TULP4: variants seen among roughly 807,000 people sequenced by gnomAD.
TULP4 encodes the protein tubby-related protein 4.
In TULP4, 16 loss-of-function variants were observed where a neutral mutation model predicts 129.0. The observed-to-expected ratio is 0.12, with a 90% CI of 0.08 to 0.19. The LOEUF (loss-of-function observed/expected upper bound fraction) is 0.19, where lower values mean the gene tolerates loss of function less well. Among genes scored for constraint, TULP4 ranks in the 10% least tolerant of loss-of-function variants. The pLI is 1.00. For missense variants in TULP4, 1,842 were observed against 2,059.1 expected (o/e 0.89, Z 2.04); for synonymous variants, 998 against 854.0 (o/e 1.17, Z -2.94).
At chr6:158,233,565 A>G (rs374931558) in intron 1 of TULP4, among the ~76,000 whole-genome samples, 6 of 152,178 alleles carry the variant, frequency 3.9e-5, no homozygotes, top group African/African-American at 1.4e-4. Flanking sequence ...CCGCAGCGCC[A>G]GATTGCTGGG....
rs182279964 is a variant in TULP4 at position 158,427,534 on chromosome 6, G to T, written c.382-2202G>T. Among the ~76,000 whole-genome samples the T allele has an allele frequency of 3.4e-4, 40 of 117,692 alleles. 1 individual carries two copies. Among genetic ancestry groups the T allele is most frequent in the Admixed American group, 6.8e-4 (6 of 8,810 alleles). The allele number at this position is 117,692 out of a possible 152,430, so 77.2% of individuals were successfully genotyped here. On this transcript the variant is annotated intron_variant, in intron 2 of 13. Coordinates refer to ENST00000367097, the MANE Select transcript of TULP4 (RefSeq NM_020245.5). ...TTTTGAGACGGAGTCTCGCTCTGTC[G>T]CCAGGCTGGAGTGCAGTGGCATGAT...
At chr6:158,414,145 C>G (rs903734889) in intron 2 of TULP4, among the ~76,000 whole-genome samples, 12 of 152,208 alleles carry the variant, frequency 7.9e-5, no homozygotes, top group African/African-American at 2.9e-4. Context: ...GATATCATCA[C>G]AGAAGACCCT....
chr6:158,442,912 C>A (rs1419585950), intron 3 of TULP4, among the ~76,000 whole-genome samples: 1 of 151,778 alleles, frequency 6.6e-6, no homozygotes, highest in Non-Finnish European at 1.5e-5. Context: ...CTCCTGGGCT[C>A]AAGCAATTCT....
chr6:158,306,497 T>C (rs1364329750), intron 1 of TULP4, among the ~76,000 whole-genome samples: 2 of 152,230 alleles, frequency 1.3e-5, no homozygotes, highest in Non-Finnish European at 2.9e-5. Context: ...CGAGGGAGGT[T>C]GCAGTGAGCC....
intron 1 of TULP4, among the ~76,000 whole-genome samples, chr6:158,270,926 G>A (rs1388160743): frequency 6.6e-6 from 1 of 152,114 alleles, no homozygotes; most frequent in Non-Finnish European, 1.5e-5. Context: ...GAGGCAGGTT[G>A]ATCACCTGAG....
upstream of TULP4, among the ~76,000 whole-genome samples, chr6:158,279,779 A>C (rs1169288214): frequency 3.9e-5 from 6 of 152,222 alleles, no homozygotes; most frequent in Non-Finnish European, 2.9e-5. Context: ...GATATACAGC[A>C]GACCTATTCA....
chr6:158,503,793 T>C lies in TULP4; in HGVS notation c.4130T>C (p.Leu1377Pro). The C allele has an allele frequency of 6.2e-7, 1 of 1,613,934 alleles. No homozygotes were observed. The highest frequency in any genetic ancestry group is 8.5e-7 in the Non-Finnish European group (1 of 1,179,994). The change falls in exon 13 of 14, where the codon CTG becomes CCG. Residue 1377 changes from leucine to proline, a missense_variant. Leu to Pro is a moderately conservative substitution (Grantham distance 98). This residue lies in a region of TULP4 where 1,089 missense variants were observed against 987.1 expected (regional missense o/e 1.10). Transcript: ENST00000367097. This position sits in a 1 kb window ranked among gnomAD's most constrained non-coding sequence, Gnocchi z 4.3. ...DFNSLISSPHLGREKKKVKSQ... is the reference protein window; with the variant it reads ...DFNSLISSPHPGREKKKVKSQ... ...AATTCCCTAATCTCCAGCCCACACC[T>C]GGGGAGAGAGAAGAAGAAAGTGAAG...
chr6:158,366,901 C>T (rs1378982508), intron 1 of TULP4, among the ~76,000 whole-genome samples: 1 of 152,210 alleles, frequency 6.6e-6, no homozygotes, highest in Non-Finnish European at 1.5e-5. Flanking sequence ...TACCTATGAC[C>T]AATCACTTTC....
chr6:158,478,852 T>C (rs1779875619), intron 6 of TULP4, among the ~76,000 whole-genome samples: 1 of 152,216 alleles, frequency 6.6e-6, no homozygotes, highest in Non-Finnish European at 1.5e-5. Flanking sequence ...CATTTTGGCC[T>C]GCATTCTCAA....
intron 1 of TULP4, among the ~76,000 whole-genome samples, chr6:158,352,466 G>A (rs1017467846): frequency 1.3e-5 from 2 of 152,042 alleles, no homozygotes; most frequent in Non-Finnish European, 2.9e-5. Flanking sequence ...GCACGATCTC[G>A]GCTCACTGCA....
intron 1 of TULP4, among the ~76,000 whole-genome samples, chr6:158,356,587 G>GTTAGGTGGTTGGGGC (rs1298772688): frequency 2.0e-5 from 3 of 152,172 alleles, no homozygotes; most frequent in Non-Finnish European, 4.4e-5. Flanking sequence ...AAAATGGGCA[G>GTTAGGTGGTTGGGGC]TTAGGTGGTT....
At chr6:158,365,147 C>T (rs116566320) in intron 1 of TULP4, among the ~76,000 whole-genome samples, 117 of 152,030 alleles carry the variant, frequency 7.7e-4, no homozygotes, top group South Asian at 1.2e-3. Flanking sequence ...TATTGCCTCC[C>T]CACCACTCCT....
chr6:158,433,252 C>T (rs1439008141), intron 3 of TULP4, among the ~76,000 whole-genome samples: 4 of 152,114 alleles, frequency 2.6e-5, no homozygotes, highest in East Asian at 1.9e-4. Context: ...ATTTTCCTTC[C>T]GGCCCTTGTA....
chr6:158,242,315 G>C, intron 1 of TULP4: 1 of 1,556,196 alleles, frequency 6.4e-7, no homozygotes, highest in Non-Finnish European at 8.8e-7. Context: ...CTTCTTGGAA[G>C]CCCAGGCTCT....
chr6:158,247,226 T>G (rs867545289), intron 1 of TULP4, among the ~76,000 whole-genome samples: 3 of 152,168 alleles, frequency 2.0e-5, no homozygotes, highest in African/African-American at 7.2e-5. Context: ...GCATATTAGA[T>G]CCCCTGGGAT....
intron 1 of TULP4, chr6:158,232,387 G>T (rs1777612761): frequency 6.7e-6 from 1 of 149,202 alleles, no homozygotes; most frequent in Non-Finnish European, 1.5e-5. Flanking sequence ...GCCCCGCCGG[G>T]CGTGTGTGCC....
intron 1 of TULP4, among the ~76,000 whole-genome samples, chr6:158,377,168 T>C (rs1217433102): frequency 6.6e-6 from 1 of 152,218 alleles, no homozygotes; most frequent in Admixed American, 6.5e-5. Context: ...GAGCAGTCCA[T>C]GTGCTTATGA....
chr6:158,284,873 A>G (rs1244630063), intron 1 of TULP4, among the ~76,000 whole-genome samples: 1 of 152,196 alleles, frequency 6.6e-6, no homozygotes, highest in Non-Finnish European at 1.5e-5. Flanking sequence ...TGCCTGTGGA[A>G]TGGGGATGAT....
chr6:158,494,412 G>A (rs1780280982), intron 10 of TULP4, among the ~76,000 whole-genome samples: 1 of 152,144 alleles, frequency 6.6e-6, no homozygotes, highest in Admixed American at 6.5e-5. Context: ...AGGACATACT[G>A]GTACCAATGC....
Sources: gnomAD v4.1 joint callset for allele counts (sites outside exome capture counted in the v4.1 genomes callset) on GRCh38, gnomAD v4.1.1 for gene constraint, gnomAD v4.1.1 regional missense constraint, Gnocchi (gnomAD v3.1) non-coding constraint, MANE v1.5 for transcripts, NCBI Gene and HGNC (gene_info 2026-07-23, HGNC 2026-07-21) for gene names.